The following SGCG variants were observed in gnomAD, a reference collection of about 807,000 sequenced individuals.
SGCG encodes gamma-sarcoglycan.
In SGCG, 26 loss-of-function variants were observed where a neutral mutation model predicts 29.3. The observed-to-expected ratio is 0.89, with a 90% confidence interval of 0.65 to 1.23. SGCG has a LOEUF of 1.23. SGCG is among the 50% of genes most tolerant of loss of function. SGCG has a pLI of 0.00. For synonymous variants in SGCG, 145 were observed against 129.7 expected, an observed-to-expected ratio of 1.12 and a Z score of -0.80; for missense variants, 353 against 356.0, an observed-to-expected ratio of 0.99 and a Z score of 0.07.
At chr13:23,321,984 A>G (rs557379834) in intron 7 of SGCG, among the ~76,000 whole-genome samples, 78 of 152,324 alleles carry the variant, frequency 5.1e-4, no homozygotes, top group African/African-American at 1.8e-3. Flanking sequence ...AATGGTCTAG[A>G]AGAAAACCAA....
In SGCG at chr13:23,185,534, G is replaced by A. The variant is rs568453085; in HGVS notation, c.-1+4459G>A. Among the ~76,000 whole-genome samples the A allele has an allele frequency of 2.4e-4, 37 of 152,234 alleles. 1 individual carries two copies. The South Asian group carries it at 7.1e-3, about 29-fold the overall frequency. ...CAATTTTTCCAACAGCAATTGCTTCGACAGGTTCCCTGGGAAACAGACTCC... is the reference window on the plus strand; with the variant it reads ...CAATTTTTCCAACAGCAATTGCTTCAACAGGTTCCCTGGGAAACAGACTCC... On this transcript the variant is annotated intron_variant, in intron 1 of 7. Coordinates refer to ENST00000218867, the MANE Select transcript of SGCG (RefSeq NM_000231.3).
At chr13:23,162,469 T>C in the SGCG span, among the ~76,000 whole-genome samples, 1 of 152,104 alleles carries the variant, frequency 6.6e-6, no homozygotes, top group African/African-American at 2.4e-5. Context: ...AAAATATTTT[T>C]TTAAAAATTA....
the SGCG span, among the ~76,000 whole-genome samples, chr13:23,162,678 A>G: frequency 6.6e-6 from 1 of 151,556 alleles, no homozygotes; most frequent in Admixed American, 6.6e-5. Flanking sequence ...TAAAAATACA[A>G]AAATTATCTG....
intron 2 of SGCG, among the ~76,000 whole-genome samples, chr13:23,214,077 A>G (rs1221898455): frequency 1.3e-5 from 2 of 152,206 alleles, no homozygotes; most frequent in African/African-American, 4.8e-5. Context: ...GTTTTATCTG[A>G]GTTCCTTTCT....
chr13:23,203,109 G>A (rs1877830061), intron 1 of SGCG, among the ~76,000 whole-genome samples: 1 of 152,068 alleles, frequency 6.6e-6, no homozygotes, highest in African/African-American at 2.4e-5. Context: ...ACAGGCGCCT[G>A]CCACCATGCC....
chr13:23,227,299 C>T (rs73168665), intron 2 of SGCG, among the ~76,000 whole-genome samples: 15,476 of 138,152 alleles, frequency 0.11, 1,116 homozygotes, highest in East Asian at 0.4. Flanking sequence ...ATTCATTATA[C>T]ACCTATTAAG....
chr13:23,244,281 A>G (rs1241012793), intron 3 of SGCG: 1 of 152,232 alleles, frequency 6.6e-6, no homozygotes, highest in Non-Finnish European at 1.5e-5. Context: ...CAGGATTACG[A>G]TAACAAAGAA....
chr13:23,187,108 T>G (rs1323499619), intron 1 of SGCG, among the ~76,000 whole-genome samples: 1 of 152,110 alleles, frequency 6.6e-6, no homozygotes, highest in African/African-American at 2.4e-5. Context: ...ACTGGGCCCA[T>G]GCATGGCCTC....
chr13:23,163,971 G>C, the SGCG span, among the ~76,000 whole-genome samples: 4 of 152,242 alleles, frequency 2.6e-5, no homozygotes, highest in East Asian at 3.9e-4. Context: ...TAAAGGCATG[G>C]TGATGCACAG....
At chr13:23,163,328 A>C in the SGCG span, among the ~76,000 whole-genome samples, 1 of 152,344 alleles carries the variant, frequency 6.6e-6, no homozygotes. Context: ...AAAGTAAGAA[A>C]AGGGTAAAAT....
chr13:23,277,422 A>T (rs1316334946), intron 4 of SGCG, among the ~76,000 whole-genome samples: 1 of 152,274 alleles, frequency 6.6e-6, no homozygotes, highest in East Asian at 1.9e-4. Context: ...TTAAAAAAAA[A>T]AAGGAGATGT....
chr13:23,244,179 A>C (rs960011696), intron 3 of SGCG: 19 of 152,210 alleles, frequency 1.2e-4, no homozygotes, highest in South Asian at 4.1e-4. Context: ...CTCTAAAACA[A>C]CACCACCGTA....
intron 3 of SGCG, among the ~76,000 whole-genome samples, chr13:23,236,850 G>A (rs979851821): frequency 6.6e-6 from 1 of 152,044 alleles, no homozygotes; most frequent in Admixed American, 6.6e-5. Flanking sequence ...ATAAAATTCA[G>A]TAACAATTTG....
chr13:23,169,041 T>TTA, the SGCG span, among the ~76,000 whole-genome samples: 2 of 151,310 alleles, frequency 1.3e-5, no homozygotes, highest in East Asian at 1.9e-4. Context: ...GTTTAGTAAT[T>TTA]TATATATATA....
At chr13:23,289,139 T>C (rs1424624701) in intron 5 of SGCG, among the ~76,000 whole-genome samples, 1 of 152,204 alleles carries the variant, frequency 6.6e-6, no homozygotes, top group East Asian at 1.9e-4. Context: ...AAGGTGCTTT[T>C]AGGAGTACCA....
intron 6 of SGCG, among the ~76,000 whole-genome samples, chr13:23,304,645 C>T (rs980637561): frequency 6.6e-6 from 1 of 151,822 alleles, no homozygotes; most frequent in Non-Finnish European, 1.5e-5. Flanking sequence ...GCTCTGTTGC[C>T]CAGGCTGGAG....
the SGCG span, among the ~76,000 whole-genome samples, chr13:23,175,583 CTA>C: frequency 6.6e-6 from 1 of 152,214 alleles, no homozygotes; most frequent in Admixed American, 6.5e-5. Context: ...AGGTAGTACT[CTA>C]TTTTCTCCCC....
At chr13:23,241,439 C>G (rs1383036781) in intron 3 of SGCG, among the ~76,000 whole-genome samples, 1 of 152,066 alleles carries the variant, frequency 6.6e-6, no homozygotes, top group African/African-American at 2.4e-5. Flanking sequence ...GAAATCTAAA[C>G]AGACCAATAA....
chr13:23,276,638 G>T lies in SGCG; in HGVS notation c.386-2721G>T, dbSNP rs561481529. On this transcript the variant is annotated intron_variant, in intron 4 of 7. Transcript: ENST00000218867. ...AGCAGAAACGGGGTTTCACCGTGTT[G>T]CCCAGGTTGTCGCGAACTCCTGATG... is the stretch of plus-strand genomic sequence containing the variant. 1.1e-4 allele frequency among the ~76,000 whole-genome samples: 16 copies of T among 152,252 alleles called. No individual in the cohort carries two copies. In the South Asian group the frequency reaches 3.3e-3, roughly 32 times the overall value.
Sources: allele counts gnomAD v4.1 joint callset (sites outside exome capture counted in the v4.1 genomes callset), GRCh38; gene constraint gnomAD v4.1.1; transcripts MANE v1.5; gene names NCBI Gene and HGNC (gene_info 2026-07-23, HGNC 2026-07-21).